DMXL1: variants seen among roughly 807,000 people sequenced by gnomAD.
DMXL1 encodes the protein dmX-like protein 1.
DMXL1 carries 99 observed loss-of-function variants against 319.2 expected under a neutral mutation model. The observed-to-expected ratio is 0.31, with a 90% CI of 0.26 to 0.37. The LOEUF (loss-of-function observed/expected upper bound fraction) is 0.37. DMXL1 is among the 10% of genes least tolerant of loss of function. The pLI is 1.00. For missense variants in DMXL1, 3,745 were observed against 3,595.6 expected, an observed-to-expected ratio of 1.04 and a Z score of -1.06; for synonymous variants, 1,385 against 1,235.2, an observed-to-expected ratio of 1.12 and a Z score of -2.54.
intron 13 of DMXL1, among the ~76,000 whole-genome samples, chr5:119,140,661 G>A (rs1767102652): frequency 6.6e-6 from 1 of 152,024 alleles, no homozygotes; most frequent in African/African-American, 2.4e-5. Flanking sequence ...ATTCATAGCT[G>A]AATTACACCA....
intron 1 of DMXL1, among the ~76,000 whole-genome samples, chr5:119,082,451 T>G (rs1016038976): frequency 6.6e-6 from 1 of 152,060 alleles, no homozygotes; most frequent in Non-Finnish European, 1.5e-5. Flanking sequence ...ATTTTTAAAA[T>G]TTTTTGTAGA....
At position 119,146,966 on chromosome 5, in the gene DMXL1, T is replaced by TTG. The variant is rs768496727; in HGVS notation, c.2689+20_2689+21dup. The TTG allele has an allele frequency of 2.5e-6, 4 of 1,610,618 alleles. No homozygotes were observed. Among genetic ancestry groups the TTG allele is most frequent in the South Asian group, 2.2e-5 (2 of 90,440 alleles). The stretch of plus-strand genomic sequence containing the variant: ...ATTCCTGTCTCATTAGGTGAGTCTT[T>TTG]TGTGTGTGTGTTTGTGCAACTTTAA... On this transcript the variant is annotated intron_variant, in intron 16 of 43. Coordinates refer to ENST00000539542, the MANE Select transcript of DMXL1 (RefSeq NM_001290321.3).
intron 15 of DMXL1, among the ~76,000 whole-genome samples, chr5:119,146,462 T>G (rs912741559): frequency 3.3e-5 from 5 of 151,996 alleles, no homozygotes; most frequent in Admixed American, 1.3e-4. Context: ...TTATAGAACT[T>G]ATTCATTTGA....
chr5:119,246,407 T>C (rs569388886), intron 43 of DMXL1, among the ~76,000 whole-genome samples: 3 of 152,138 alleles, frequency 2.0e-5, no homozygotes, highest in Non-Finnish European at 4.4e-5. Context: ...TCTGTAGCAT[T>C]GTACACTTAA....
intron 13 of DMXL1, among the ~76,000 whole-genome samples, chr5:119,139,283 C>G (rs1275225188): frequency 6.6e-6 from 1 of 152,160 alleles, no homozygotes; most frequent in Non-Finnish European, 1.5e-5. Flanking sequence ...CATGTCAGTG[C>G]TAACCTTGAA....
intron 40 of DMXL1, 176 bp from the exon 41 acceptor site, chr5:119,238,813 G>A (rs1402734606): frequency 2.3e-6 from 2 of 879,618 alleles, no homozygotes; most frequent in Admixed American, 6.2e-5. Context: ...CTGGGTAAAA[G>A]GTATATGAAA....
chr5:119,128,133 C>T, intron 9 of DMXL1: 1 of 498,170 alleles, frequency 2.0e-6, no homozygotes. Flanking sequence ...TTGTGAGCAG[C>T]AACTGAACAC....
At chr5:119,203,249 C>A in intron 32 of DMXL1, 70 bp from the exon 33 acceptor site, 1 of 989,248 alleles carries the variant, frequency 1.0e-6, no homozygotes, top group Non-Finnish European at 1.5e-6. Flanking sequence ...TATATGGCAC[C>A]AAGGAATTGT....
chr5:119,177,368 C>G lies in DMXL1; in HGVS notation c.6770C>G (p.Thr2257Arg), dbSNP rs149050562. 20 of 1,544,852 alleles carry G rather than the reference C, an allele frequency of 1.3e-5. No individual in the cohort carries two copies. The highest frequency in any genetic ancestry group is 2.8e-5 in the African/African-American group (2 of 72,460). ...CGSHNYSSFQ[T>R]NQFTGMVYQT... ...TTTTTTTCTCTTAGTTCATTTCAGACGAATCAGTTTACTGGAATGGTATAT... is the reference window on the plus strand; with the variant it reads ...TTTTTTTCTCTTAGTTCATTTCAGAGGAATCAGTTTACTGGAATGGTATAT... Residue 2257 changes from threonine to arginine, a missense_variant, in exon 27 of 44, where the codon ACG (threonine) becomes AGG (arginine). Physicochemically the swap from Thr to Arg is moderately conservative, Grantham distance 71. Transcript: ENST00000539542.
intron 10 of DMXL1, among the ~76,000 whole-genome samples, chr5:119,129,958 A>G (rs994935639): frequency 6.6e-6 from 1 of 152,316 alleles, no homozygotes; most frequent in East Asian, 1.9e-4. Flanking sequence ...TGGCAAGAAC[A>G]TTCAGCTGGA....
Position 119,224,777 on chromosome 5 carries a change from G to T in DMXL1, c.8338+8G>T, listed in dbSNP as rs917579432. The T allele has an allele frequency of 1.9e-5, 23 of 1,204,142 alleles. No homozygotes were observed. Among genetic ancestry groups the T allele is most frequent in the Non-Finnish European group, 2.3e-5 (21 of 898,072 alleles). 74.6% of individuals were successfully genotyped at this position (1,204,142 alleles called of 1,614,324 possible). ...ATCCAACTCTTCCTTACTGTAAGTTGAATAATAATTAGCAATTGTCCTTTC... is the reference window on the plus strand; with the variant it reads ...ATCCAACTCTTCCTTACTGTAAGTTTAATAATAATTAGCAATTGTCCTTTC... On this transcript the variant is annotated splice_region_variant and intron_variant, in intron 38 of 43. Coordinates refer to ENST00000539542, the MANE Select transcript of DMXL1 (RefSeq NM_001290321.3).
chr5:119,145,960 T>C (rs1768426335), intron 15 of DMXL1, among the ~76,000 whole-genome samples: 1 of 151,950 alleles, frequency 6.6e-6, no homozygotes, highest in South Asian at 2.1e-4. Flanking sequence ...ACTTTTGTTA[T>C]AATCTTTATC....
chr5:119,124,944 A>C (rs1763183536), intron 9 of DMXL1, among the ~76,000 whole-genome samples: 1 of 152,210 alleles, frequency 6.6e-6, no homozygotes. Context: ...TACTTCTATT[A>C]ACAGAGCTAC....
intron 1 of DMXL1, among the ~76,000 whole-genome samples, chr5:119,084,118 C>T (rs989933017): frequency 2.6e-5 from 4 of 151,690 alleles, no homozygotes; most frequent in African/African-American, 7.3e-5. Flanking sequence ...ATGTATTCCC[C>T]CCCTCACCCC....
chr5:119,242,976 T>A (rs1789107872), intron 42 of DMXL1, among the ~76,000 whole-genome samples: 1 of 152,188 alleles, frequency 6.6e-6, no homozygotes, highest in South Asian at 2.1e-4. Context: ...CTGCATGTAA[T>A]ATGCAAAATA....
chr5:119,228,057 T>C (rs976785718), intron 38 of DMXL1, among the ~76,000 whole-genome samples: 13 of 152,210 alleles, frequency 8.5e-5, no homozygotes, highest in Non-Finnish European at 1.5e-5. Flanking sequence ...ACCATAATTA[T>C]TAAAAAACCA....
chr5:119,202,993 A>C (rs1013837736), intron 32 of DMXL1, among the ~76,000 whole-genome samples: 1 of 150,476 alleles, frequency 6.6e-6, no homozygotes, highest in Non-Finnish European at 1.5e-5. Flanking sequence ...TTTAATTTAG[A>C]CATATATATT....
chr5:119,133,086 A>G (rs772168552), intron 10 of DMXL1, 46 bp from the exon 11 acceptor site: 4 of 1,600,788 alleles, frequency 2.5e-6, no homozygotes, highest in African/African-American at 1.3e-5. Flanking sequence ...ATTTATAGTA[A>G]TAACCTGTTT....
At chr5:119,142,176 C>T (rs1003605142) in intron 13 of DMXL1, among the ~76,000 whole-genome samples, 24 of 152,036 alleles carry the variant, frequency 1.6e-4, no homozygotes, top group African/African-American at 5.1e-4. Context: ...ACAATCTAGG[C>T]GATACCATTC....
Sources: gnomAD v4.1 joint callset for allele counts (sites outside exome capture counted in the v4.1 genomes callset) on GRCh38, gnomAD v4.1.1 for gene constraint, MANE v1.5 for transcripts, NCBI Gene and HGNC (gene_info 2026-07-23, HGNC 2026-07-21) for gene names.